SH2D4A: variants seen among roughly 807,000 people sequenced by gnomAD.
The protein encoded by SH2D4A is SH2 domain-containing protein 4A.
Under a neutral mutation model 64.7 loss-of-function variants are expected in SH2D4A, and 70 were observed. That is an observed-to-expected ratio of 1.08 (90% CI 0.89 to 1.32). The LOEUF (loss-of-function observed/expected upper bound fraction) is 1.32, where lower values mean the gene tolerates loss of function less well. SH2D4A is among the 40% of genes most tolerant of loss of function. The pLI is 0.00. For synonymous variants in SH2D4A, 268 were observed against 200.7 expected (o/e 1.34, Z -2.83); for missense variants, 706 against 540.1 (o/e 1.31, Z -3.04).
At chr8:19,386,315 G>C (rs796834233) in intron 8 of SH2D4A, among the ~76,000 whole-genome samples, 5 of 152,374 alleles carry the variant, frequency 3.3e-5, no homozygotes, top group African/African-American at 1.2e-4. Context: ...GGAAGAGCTA[G>C]CTTTTCTGCA....
intron 8 of SH2D4A, among the ~76,000 whole-genome samples, chr8:19,390,381 C>G (rs780592914): frequency 2.3e-4 from 35 of 152,024 alleles, no homozygotes; most frequent in Admixed American, 2.6e-4. Flanking sequence ...AAAAAGAAAA[C>G]GTGGAATAAG....
chr8:19,337,167 C>G (rs1441890078), intron 4 of SH2D4A, among the ~76,000 whole-genome samples: 1 of 151,848 alleles, frequency 6.6e-6, no homozygotes, highest in African/African-American at 2.4e-5. Context: ...TTTATCTTTC[C>G]CTGTGTCAGA....
At chr8:19,345,637 C>G (rs1162212905) in intron 4 of SH2D4A, among the ~76,000 whole-genome samples, 1 of 152,220 alleles carries the variant, frequency 6.6e-6, no homozygotes, top group Non-Finnish European at 1.5e-5. Context: ...CAAAACATAT[C>G]TTTTGGTCCA....
intron 5 of SH2D4A, 49 bp downstream of exon 5, chr8:19,357,332 C>G: frequency 2.4e-6 from 3 of 1,271,692 alleles, no homozygotes; most frequent in Non-Finnish European, 3.4e-6. Flanking sequence ...CTAGGCATTT[C>G]CACTAATGTT....
intron 8 of SH2D4A, among the ~76,000 whole-genome samples, chr8:19,383,926 T>C (rs1171922539): frequency 3.3e-5 from 5 of 152,234 alleles, no homozygotes; most frequent in African/African-American, 9.6e-5. Context: ...TACATCTATG[T>C]CATAGGGTTG....
At chr8:19,389,298 G>A (rs1023327893) in intron 8 of SH2D4A, among the ~76,000 whole-genome samples, 2 of 152,078 alleles carry the variant, frequency 1.3e-5, no homozygotes, top group African/African-American at 2.4e-5. Flanking sequence ...GTTTCCCCGG[G>A]GCCTTTCCTG....
intron 4 of SH2D4A, among the ~76,000 whole-genome samples, chr8:19,344,522 G>A (rs905936819): frequency 3.9e-5 from 6 of 152,050 alleles, no homozygotes; most frequent in East Asian, 1.9e-4. Context: ...CTTTGCTTTC[G>A]AAGAGCGCCT....
At chr8:19,382,424 T>C (rs894226426) in intron 8 of SH2D4A, among the ~76,000 whole-genome samples, 2 of 152,180 alleles carry the variant, frequency 1.3e-5, no homozygotes, top group African/African-American at 4.8e-5. Flanking sequence ...GTAAAAACCA[T>C]ACTTCAAGTA....
chr8:19,328,192 G>T (rs143957595), intron 2 of SH2D4A, among the ~76,000 whole-genome samples: 2 of 152,212 alleles, frequency 1.3e-5, no homozygotes, highest in East Asian at 3.9e-4. Context: ...GAGCTCATCT[G>T]TACCAGTGGC....
intron 4 of SH2D4A, among the ~76,000 whole-genome samples, chr8:19,340,102 T>C (rs934602368): frequency 3.9e-5 from 6 of 152,162 alleles, no homozygotes; most frequent in Non-Finnish European, 8.8e-5. Context: ...GCAGAGGACA[T>C]GGCCCCTAGG....
chr8:19,392,903 G>A (rs139078489), intron 8 of SH2D4A, among the ~76,000 whole-genome samples: 52 of 151,944 alleles, frequency 3.4e-4, no homozygotes, highest in African/African-American at 1.1e-3. Context: ...CAAAACGCCC[G>A]GCTAATTTTT....
At position 19,357,218 on chromosome 8, in the gene SH2D4A, T is replaced by G. The variant is rs748257988; in HGVS notation, c.529T>G (p.Ser177Ala). 7 of 1,613,772 alleles carry G rather than the reference T, an allele frequency of 4.3e-6. No homozygotes were observed. Among genetic ancestry groups the G allele is most frequent in the Non-Finnish European group, 5.1e-6 (6 of 1,179,632 alleles). The change falls in exon 5 of 10, where the codon TCA (serine) becomes GCA (alanine). Residue 177 changes from serine (S) to alanine (A), a missense_variant. Coordinates refer to ENST00000265807, the MANE Select transcript of SH2D4A (RefSeq NM_022071.4). The part of the protein sequence containing the change: ...EEKIRSLSSS[S>A]RNIQQMLADS... ...TAATTTTTAGTCACTCTCCAGTTCTTCAAGAAATATTCAACAAATGTTGGC... is the reference window on the plus strand; with the variant it reads ...TAATTTTTAGTCACTCTCCAGTTCTGCAAGAAATATTCAACAAATGTTGGC...
In SH2D4A at chr8:19,334,865, C is replaced by G; in HGVS notation, c.513+8C>G. ...GAAGAAGAGAAAATCCGAGTGAGTC[C>G]TTACTGTCTGTAGACGTGCGGAATT... On this transcript the variant is annotated splice_region_variant and intron_variant, in intron 4 of 9. Transcript: ENST00000265807. 6.2e-7 allele frequency: 1 copy of G among 1,601,408 alleles called. No individual in the cohort carries two copies. Among genetic ancestry groups the G allele is most frequent in the Non-Finnish European group, 8.5e-7 (1 of 1,176,184 alleles).
At chr8:19,346,611 T>C (rs1043007864) in intron 4 of SH2D4A, among the ~76,000 whole-genome samples, 5 of 152,172 alleles carry the variant, frequency 3.3e-5, no homozygotes, top group African/African-American at 9.7e-5. Context: ...GCCCCCTATC[T>C]ATGGAAAAAT....
At chr8:19,323,546 A>G (rs1434242807) in intron 2 of SH2D4A, among the ~76,000 whole-genome samples, 1 of 151,924 alleles carries the variant, frequency 6.6e-6, no homozygotes, top group Non-Finnish European at 1.5e-5. Context: ...ACACCCAGCT[A>G]ATTTTTGTAT....
At chr8:19,321,926 C>T (rs897721211) in intron 2 of SH2D4A, among the ~76,000 whole-genome samples, 2 of 152,102 alleles carry the variant, frequency 1.3e-5, no homozygotes, top group African/African-American at 2.4e-5. Context: ...TTACATTTCT[C>T]GCTTGTAGGG....
At chr8:19,351,221 T>G (rs1219900108) in intron 4 of SH2D4A, among the ~76,000 whole-genome samples, 2 of 152,178 alleles carry the variant, frequency 1.3e-5, no homozygotes, top group African/African-American at 4.8e-5. Context: ...GATGATCTGA[T>G]TATTTCAATG....
At position 19,393,371 on chromosome 8, in the gene SH2D4A, G is replaced by A. The variant is rs746734532; in HGVS notation, c.1102G>A (p.Gly368Ser). The A allele has an allele frequency of 1.1e-5, 18 of 1,614,166 alleles. No individual in the cohort carries two copies. Among genetic ancestry groups the A allele is most frequent in the South Asian group, 2.2e-5 (2 of 91,084 alleles). ...NELLLSTGMP[G>S]SFLIRVSERI... is the part of the protein sequence containing the mutation. ...ACTTCTTCTGAGCACAGGCATGCCC[G>A]GCAGTTTTCTCATCCGAGTCAGTGA... The change falls in exon 9 of 10, where the codon GGC (glycine) becomes AGC (serine). Residue 368 changes from glycine to serine, a missense_variant. Transcript: ENST00000265807.
At chr8:19,392,423 G>T (rs1220399605) in intron 8 of SH2D4A, among the ~76,000 whole-genome samples, 1 of 152,150 alleles carries the variant, frequency 6.6e-6, no homozygotes, top group Admixed American at 6.5e-5. Context: ...GTGTGGGGCT[G>T]TTCTGTGTCT....
Sources: gnomAD v4.1 joint callset for allele counts (sites outside exome capture counted in the v4.1 genomes callset) on GRCh38, gnomAD v4.1.1 for gene constraint, MANE v1.5 for transcripts, NCBI Gene and HGNC (gene_info 2026-07-23, HGNC 2026-07-21) for gene names.